The following CDH3 variants were observed in gnomAD, a reference collection of about 807,000 sequenced individuals.
CDH3 encodes cadherin 3, also known as cadherin-3.
In CDH3, 54 loss-of-function variants were observed where a neutral mutation model predicts 82.0. The observed-to-expected ratio is 0.66, with a 90% CI of 0.53 to 0.83. The LOEUF is 0.83. Ranked by LOEUF, CDH3 falls within the 40% of genes least tolerant of loss-of-function variation. The probability of loss-of-function intolerance (pLI) is 0.00; values close to 1 mark genes in which losing one functional copy is unlikely to be tolerated. For missense variants in CDH3, 1,054 were observed against 1,084.6 expected, an observed-to-expected ratio of 0.97 and a Z score of 0.40; for synonymous variants, 446 against 437.9, an observed-to-expected ratio of 1.02 and a Z score of -0.23.
At chr16:68,659,366 C>T (rs926324022) in intron 2 of CDH3, among the ~76,000 whole-genome samples, 1 of 151,922 alleles carries the variant, frequency 6.6e-6, no homozygotes, top group African/African-American at 2.4e-5. Context: ...CCCAGGAGTT[C>T]GAGACCAGCC....
chr16:68,687,793 C>A, intron 12 of CDH3, 57 bp downstream of exon 12: 2 of 1,256,348 alleles, frequency 1.6e-6, no homozygotes, highest in Non-Finnish European at 2.3e-6. Context: ...TGGGCATCTG[C>A]CCCACACCAG....
chr16:68,715,926 A>G (rs1308592146), intron 1 of CDH3, among the ~76,000 whole-genome samples: 1 of 152,164 alleles, frequency 6.6e-6, no homozygotes, highest in Non-Finnish European at 1.5e-5. Flanking sequence ...TGCCCATACA[A>G]TTTCTCACAG....
intron 9 of CDH3, among the ~76,000 whole-genome samples, chr16:68,683,880 C>T (rs2152102299): frequency 6.6e-6 from 1 of 150,642 alleles, no homozygotes; most frequent in African/African-American, 2.4e-5. Flanking sequence ...CCAGCCTGGC[C>T]ATCGTGGTGA....
chr16:68,726,723 C>A (rs1484416526), intron 2 of CDH3, among the ~76,000 whole-genome samples: 7 of 151,864 alleles, frequency 4.6e-5, no homozygotes, highest in African/African-American at 1.7e-4. Flanking sequence ...GGACTACAGG[C>A]GCCCACCACC....
chr16:68,648,688 A>C (rs1960151455), intron 2 of CDH3, among the ~76,000 whole-genome samples: 1 of 151,880 alleles, frequency 6.6e-6, no homozygotes, highest in Non-Finnish European at 1.5e-5. Context: ...GGGCTCAAGC[A>C]ATCTTCCCAC....
chr16:68,654,713 A>ATATAT (rs1555504518), intron 2 of CDH3, among the ~76,000 whole-genome samples: 22 of 91,110 alleles, frequency 2.4e-4, no homozygotes, highest in Non-Finnish European at 4.2e-4. Flanking sequence ...AAAAAAAAAA[A>ATATAT]ATATATATAT....
At chr16:68,674,780 G>T (rs1960983740) in intron 2 of CDH3, among the ~76,000 whole-genome samples, 1 of 152,116 alleles carries the variant, frequency 6.6e-6, no homozygotes, top group Admixed American at 6.5e-5. Context: ...TATATACTAT[G>T]TGAATACTTT....
At chr16:68,685,060 C>T in intron 10 of CDH3, 145 bp from the exon 11 acceptor site, 1 of 1,102,460 alleles carries the variant, frequency 9.1e-7, no homozygotes, top group Non-Finnish European at 1.3e-6. Context: ...TGCTTTAGGT[C>T]CCCGTTTATG....
chr16:68,688,166 T>C (rs1191226333), intron 12 of CDH3, among the ~76,000 whole-genome samples: 2 of 151,190 alleles, frequency 1.3e-5, no homozygotes, highest in Non-Finnish European at 2.9e-5. Flanking sequence ...GAATGGTCTT[T>C]TAGGGGTCCT....
At chr16:68,664,688 C>T (rs777143192) in intron 2 of CDH3, among the ~76,000 whole-genome samples, 1 of 152,074 alleles carries the variant, frequency 6.6e-6, no homozygotes, top group African/African-American at 2.4e-5. Flanking sequence ...GAGACAGGGT[C>T]TCTCTCTGTT....
chr16:68,670,815 G>A (rs1191903169), intron 2 of CDH3, among the ~76,000 whole-genome samples: 2 of 152,298 alleles, frequency 1.3e-5, no homozygotes, highest in East Asian at 3.9e-4. Context: ...GCTCATGCCT[G>A]TAATCCCAGC....
At chr16:68,725,510 T>C (rs562375353) in intron 2 of CDH3, among the ~76,000 whole-genome samples, 1 of 151,866 alleles carries the variant, frequency 6.6e-6, no homozygotes, top group Non-Finnish European at 1.5e-5. Flanking sequence ...ATTTTTTGTA[T>C]TTTTAGTAGA....
rs1961113381 is a variant in CDH3, at chr16:68,678,779, G to T, written c.564G>T (p.Val188=). 3.1e-6 allele frequency: 5 copies of T among 1,614,182 alleles called. No homozygotes were observed. Among genetic ancestry groups the T allele is most frequent in the Non-Finnish European group, 4.2e-6 (5 of 1,180,032 alleles). ...IAKYELFGHA[V]SENGASVEDP... is the part of the protein sequence containing the mutation. ...CCCCACAGCTCTTTGGCCACGCTGT[G>T]TCAGAGAATGGTGCCTCAGTGGAGG... Residue 188 remains valine, a synonymous_variant, in exon 6 of 16, where the codon GTG becomes GTT. Coordinates refer to ENST00000264012, the MANE Select transcript of CDH3 (RefSeq NM_001793.6).
chr16:68,650,626 A>G (rs1567435489), intron 2 of CDH3, among the ~76,000 whole-genome samples: 2 of 152,120 alleles, frequency 1.3e-5, no homozygotes. Flanking sequence ...TATTTCCTGA[A>G]ACTTCTGTGG....
rs16958289 is a variant in CDH3 at position 68,691,676 on chromosome 16, G to A, written c.1796-44G>A. The A allele has an allele frequency of 1.1e-3, 1,579 of 1,479,748 alleles. 10 individuals carry two copies. In the African/African-American group the frequency reaches 0.017, roughly 16 times the overall value. The allele number at this position is 1,479,748 out of a possible 1,614,324, so 91.7% of individuals were successfully genotyped here. On this transcript the variant is annotated intron_variant, in intron 12 of 15. Coordinates refer to ENST00000264012, the MANE Select transcript of CDH3 (RefSeq NM_001793.6). ...TTCTTCATGGTGTACTCAGATCCCC[G>A]CACTGATGGTTCCCACAGCTAATCA...
At chr16:68,721,014 A>G (rs775332051) in intron 1 of CDH3, among the ~76,000 whole-genome samples, 11 of 152,030 alleles carry the variant, frequency 7.2e-5, no homozygotes, top group Admixed American at 1.3e-4. Flanking sequence ...CACTACCTCT[A>G]TTTTACTAAT....
chr16:68,685,634 C>G (rs746176076), intron 11 of CDH3, among the ~76,000 whole-genome samples: 2 of 150,972 alleles, frequency 1.3e-5, no homozygotes, highest in African/African-American at 4.9e-5. Flanking sequence ...GGTGAAACCC[C>G]GTCTCTACTA....
At position 68,716,916 on chromosome 16, in the gene CDH3, AG is replaced by A. The variant is rs1216386640; in HGVS notation, c.100-5508del. ...TTTTCTTTTTTTTTTTTTTTTAAGT[AG>A]AGACAGGGTCTCACTATGTTGTCCA... On this transcript the variant is annotated intron_variant, in intron 1 of 2. Transcript: ENST00000569080. 2.0e-5 allele frequency among the ~76,000 whole-genome samples: 3 copies of A among 148,724 alleles called. No homozygotes were observed. In the East Asian group the frequency reaches 5.9e-4, roughly 29 times the overall value.
intron 1 of CDH3, among the ~76,000 whole-genome samples, chr16:68,718,137 T>C (rs750210996): frequency 6.6e-6 from 1 of 151,852 alleles, no homozygotes; most frequent in Non-Finnish European, 1.5e-5. Context: ...GCCTCCTGGG[T>C]AGCTAGGACT....
Sources: allele counts gnomAD v4.1 joint callset (sites outside exome capture counted in the v4.1 genomes callset), GRCh38; gene constraint gnomAD v4.1.1; transcripts MANE v1.5; gene names NCBI Gene and HGNC (gene_info 2026-07-23, HGNC 2026-07-21).